The following IMPA2 variants were observed in gnomAD, a reference collection of about 807,000 sequenced individuals.
IMPA2 encodes the protein inositol monophosphatase 2.
In IMPA2, 32 loss-of-function variants were observed where a neutral mutation model predicts 35.1. That is an observed-to-expected ratio of 0.91 (90% CI 0.69 to 1.23). The LOEUF is 1.23. IMPA2 is among the 50% of genes most tolerant of loss of function. IMPA2 has a pLI of 0.00. For synonymous variants in IMPA2, 135 were observed against 160.6 expected, an observed-to-expected ratio of 0.84 and a Z score of 1.20; for missense variants, 334 against 387.6, an observed-to-expected ratio of 0.86 and a Z score of 1.16.
At chr18:12,007,529 A>G (rs560834123) in intron 2 of IMPA2, among the ~76,000 whole-genome samples, 8 of 152,174 alleles carry the variant, frequency 5.3e-5, no homozygotes, top group Non-Finnish European at 1.0e-4. Flanking sequence ...AGTGGATAAT[A>G]CACCAAACAC....
At chr18:11,994,620 CAT>C (rs1373475257) in intron 1 of IMPA2, among the ~76,000 whole-genome samples, 4 of 152,216 alleles carry the variant, frequency 2.6e-5, no homozygotes, top group African/African-American at 9.6e-5. Flanking sequence ...CACAAAAGGA[CAT>C]ATTACAAAAT....
intron 1 of IMPA2, among the ~76,000 whole-genome samples, chr18:11,996,800 C>T (rs1906969860): frequency 6.6e-6 from 1 of 152,094 alleles, no homozygotes; most frequent in South Asian, 2.1e-4. Flanking sequence ...CCTGGTTAGG[C>T]TGCCTTTCTC....
intron 5 of IMPA2, among the ~76,000 whole-genome samples, chr18:12,026,962 TGA>T (rs1195931007): frequency 2.0e-5 from 3 of 152,136 alleles, no homozygotes; most frequent in Non-Finnish European, 2.9e-5. Context: ...AGGTGTAAAA[TGA>T]GAGTTTCCAT....
chr18:12,012,804 T>C lies in IMPA2; in HGVS notation c.381+589T>C, dbSNP rs183807330. Among the ~76,000 whole-genome samples, 352 of 152,258 alleles carry C rather than the reference T, an allele frequency of 2.3e-3. 2 individuals carry two copies. The highest frequency in any genetic ancestry group is 6.8e-3 in the Middle Eastern group (2 of 292). Reference sequence around the variant, plus strand: ...TCTAATTGAAACAGTTTTATTTAAATAGGGCCGAGGGCTGCATGTTTCTCA... The same window carrying C: ...TCTAATTGAAACAGTTTTATTTAAACAGGGCCGAGGGCTGCATGTTTCTCA... On this transcript the variant is annotated intron_variant, in intron 4 of 7. Coordinates refer to ENST00000269159, the MANE Select transcript of IMPA2 (RefSeq NM_014214.3).
chr18:12,006,531 A>T (rs1907251852), intron 2 of IMPA2, among the ~76,000 whole-genome samples: 1 of 152,188 alleles, frequency 6.6e-6, no homozygotes, highest in African/African-American at 2.4e-5. Flanking sequence ...GGAACAGCTG[A>T]TGATTCCTTG....
At chr18:12,028,374 C>G in intron 6 of IMPA2, 1 of 553,312 alleles carries the variant, frequency 1.8e-6, no homozygotes, top group South Asian at 2.5e-5. Flanking sequence ...TGCTTCTGAT[C>G]AGAATCCATG....
intron 5 of IMPA2, among the ~76,000 whole-genome samples, chr18:12,020,539 TA>T (rs1250985807): frequency 3.3e-5 from 5 of 152,222 alleles, no homozygotes; most frequent in African/African-American, 9.6e-5. Flanking sequence ...CAGTTTTTAA[TA>T]TTTTTTTTAT....
chr18:12,025,057 T>C (rs1331114360), intron 5 of IMPA2, among the ~76,000 whole-genome samples: 1 of 152,222 alleles, frequency 6.6e-6, no homozygotes, highest in African/African-American at 2.4e-5. Context: ...CCCCTGAGCC[T>C]CTGGCAACCA....
chr18:12,008,320 T>C (rs1483275431), intron 2 of IMPA2: 1 of 518,490 alleles, frequency 1.9e-6, no homozygotes, highest in Non-Finnish European at 3.9e-6. Flanking sequence ...TTTCTTTTTC[T>C]TACTCTCTGC....
intron 1 of IMPA2, among the ~76,000 whole-genome samples, chr18:11,989,727 T>G (rs942409999): frequency 1.3e-5 from 2 of 152,080 alleles, no homozygotes; most frequent in African/African-American, 4.8e-5. Context: ...TGTGCCCCCT[T>G]AAGGAGAGGC....
At chr18:12,003,467 G>A (rs934658705) in intron 2 of IMPA2, among the ~76,000 whole-genome samples, 3 of 152,102 alleles carry the variant, frequency 2.0e-5, no homozygotes, top group African/African-American at 7.2e-5. Flanking sequence ...CCAATATGAT[G>A]AAACCCCGTC....
Position 12,014,274 on chromosome 18 carries a change from G to A in IMPA2, c.391G>A (p.Gly131Arg), listed in dbSNP as rs1907513868. Residue 131 changes from glycine (G) to arginine (R), a missense_variant, in exon 5 of 8, where the codon GGA becomes AGA. Physicochemically the swap from Gly to Arg is moderately radical, Grantham distance 125 (BLOSUM62 -2). Coordinates refer to ENST00000269159, the MANE Select transcript of IMPA2 (RefSeq NM_014214.3). ...CCTCTGCCGCCCACAGCTTGAATTCGGAGTGATTTACCACTGCACAGAGGA... is the reference window on the plus strand; with the variant it reads ...CCTCTGCCGCCCACAGCTTGAATTCAGAGTGATTTACCACTGCACAGAGGA... Reference protein sequence around the residue: ...GFAVRQELEFGVIYHCTEERL... With the variant: ...GFAVRQELEFRVIYHCTEERL... 4.3e-6 allele frequency: 7 copies of A among 1,613,594 alleles called. No individual in the cohort carries two copies. Among genetic ancestry groups the A allele is most frequent in the East Asian group, 2.2e-5 (1 of 44,876 alleles).
chr18:12,027,188 G>A (rs1023594390), intron 5 of IMPA2, among the ~76,000 whole-genome samples: 5 of 152,194 alleles, frequency 3.3e-5, no homozygotes, highest in African/African-American at 2.4e-5. Context: ...GGACATGACC[G>A]AAGTTTGGCT....
chr18:12,018,196 C>T (rs1323611032), intron 5 of IMPA2: 1 of 152,762 alleles, frequency 6.5e-6, no homozygotes, highest in Admixed American at 6.5e-5. Flanking sequence ...CCGCCCGGGC[C>T]TCCCAAAGTA....
At position 12,002,610 on chromosome 18, in the gene IMPA2, C is replaced by CA. The variant is rs536640263; in HGVS notation, c.230+3430dup. Among the ~76,000 whole-genome samples the CA allele has an allele frequency of 1.0e-3, 154 of 151,262 alleles. 1 individual carries two copies. The highest frequency in any genetic ancestry group is 3.4e-3 in the Middle Eastern group (1 of 292). On this transcript the variant is annotated intron_variant, in intron 2 of 7. Transcript: ENST00000269159. ...GCAACATGGTGAATCCCCATCTCTA[C>CA]AAAAAAATTAAAAAATCAGCTGGGC...
At chr18:11,984,384 A>C (rs889051974) in intron 1 of IMPA2, among the ~76,000 whole-genome samples, 7 of 152,170 alleles carry the variant, frequency 4.6e-5, no homozygotes, top group African/African-American at 1.7e-4. Flanking sequence ...GCCCCACCCC[A>C]AGTACAGATG....
At chr18:12,024,547 A>G (rs1598705760) in intron 5 of IMPA2, among the ~76,000 whole-genome samples, 1 of 152,158 alleles carries the variant, frequency 6.6e-6, no homozygotes, top group East Asian at 1.9e-4. Context: ...GTACATTAGA[A>G]ATAGGGTGGG....
intron 1 of IMPA2, among the ~76,000 whole-genome samples, chr18:11,982,206 TC>T (rs1170443779): frequency 9.2e-5 from 14 of 152,036 alleles, no homozygotes. Flanking sequence ...CCAAACTTAC[TC>T]TGACCCACAC....
At chr18:12,017,618 TCA>T (rs1032578761) in intron 5 of IMPA2, 3 of 429,774 alleles carry the variant, frequency 7.0e-6, no homozygotes, top group African/African-American at 6.2e-5. Flanking sequence ...AAACAGGATC[TCA>T]CTCTGTCACC....
Sources: gnomAD v4.1 joint callset for allele counts (sites outside exome capture counted in the v4.1 genomes callset) on GRCh38, gnomAD v4.1.1 for gene constraint, MANE v1.5 for transcripts, NCBI Gene and HGNC (gene_info 2026-07-23, HGNC 2026-07-21) for gene names.